Variants in C3orf20 observed in about 807,000 individuals in gnomAD.
C3orf20 encodes family with sequence similarity 149 member C.
C3orf20 carries 76 observed loss-of-function variants against 88.3 expected under a neutral mutation model. The ratio of observed to expected loss-of-function variants is 0.86; its 90% CI spans 0.72 to 1.04. The LOEUF (loss-of-function observed/expected upper bound fraction) is 1.04, where lower values mean the gene tolerates loss of function less well. C3orf20 is among the 50% of genes least tolerant of loss of function. The probability of loss-of-function intolerance (pLI) is 0.00; values close to 1 mark genes in which losing one functional copy is unlikely to be tolerated. For missense variants in C3orf20, 1,056 were observed against 1,123.3 expected, an observed-to-expected ratio of 0.94 and a Z score of 0.86; for synonymous variants, 436 against 437.4, an observed-to-expected ratio of 1.00 and a Z score of 0.04.
rs1176786068 is a variant in C3orf20 at position 14,768,319 on chromosome 3, C to A, written c.2496-3748C>A. 6.6e-6 allele frequency among the ~76,000 whole-genome samples: 1 copy of A among 151,974 alleles called. No individual in the cohort carries two copies. The highest frequency in any genetic ancestry group is 2.4e-5 in the African/African-American group (1 of 41,312). ...GGCCCCGTGCTCAGCAAGGAGCCAGCCACCGCCAGGCCCTCCCTCTATGAT... is the reference window on the plus strand; with the variant it reads ...GGCCCCGTGCTCAGCAAGGAGCCAGACACCGCCAGGCCCTCCCTCTATGAT... On this transcript the variant is annotated intron_variant, in intron 15 of 16. Coordinates refer to ENST00000253697, the MANE Select transcript of C3orf20 (RefSeq NM_032137.5). This position sits in a 1 kb window ranked among gnomAD's most constrained non-coding sequence, Gnocchi z 4.1.
chr3:14,732,496 G>GT (rs1357721572), intron 12 of C3orf20, among the ~76,000 whole-genome samples: 1 of 152,176 alleles, frequency 6.6e-6, no homozygotes, highest in Non-Finnish European at 1.5e-5. Flanking sequence ...ATTGAAATAG[G>GT]TTTTTTCTTT....
chr3:14,729,117 G>A (rs766290958), intron 12 of C3orf20, among the ~76,000 whole-genome samples: 2 of 152,190 alleles, frequency 1.3e-5, no homozygotes, highest in Non-Finnish European at 2.9e-5. Flanking sequence ...CCACTTCCTT[G>A]TGACAGTGGA....
chr3:14,736,820 G>A (rs1008451470), intron 12 of C3orf20, among the ~76,000 whole-genome samples: 2 of 152,146 alleles, frequency 1.3e-5, no homozygotes, highest in Non-Finnish European at 2.9e-5. Context: ...ACCTGCCTCA[G>A]CCTCCCAAAG....
chr3:14,727,351 C>G (rs1334511159), intron 11 of C3orf20, among the ~76,000 whole-genome samples: 1 of 152,188 alleles, frequency 6.6e-6, no homozygotes, highest in Non-Finnish European at 1.5e-5. Flanking sequence ...TTCCCCACCC[C>G]ACATCTACAT....
intron 12 of C3orf20, 112 bp from the exon 13 acceptor site, chr3:14,757,259 A>C (rs2035400847): frequency 3.3e-6 from 3 of 896,884 alleles, no homozygotes; most frequent in Non-Finnish European, 5.1e-6. Context: ...CAGGGCCCAG[A>C]CTAAAATCTG....
intron 5 of C3orf20, among the ~76,000 whole-genome samples, chr3:14,702,042 C>G (rs2033286182): frequency 6.6e-6 from 1 of 152,132 alleles, no homozygotes; most frequent in Non-Finnish European, 1.5e-5. Context: ...AAACCATTTT[C>G]TGAAACCCCT....
chr3:14,678,562 G>T (rs2124873520), intron 1 of C3orf20, among the ~76,000 whole-genome samples: 1 of 152,350 alleles, frequency 6.6e-6, no homozygotes, highest in Admixed American at 6.5e-5. Context: ...GAGACATGCA[G>T]CAGATTGTTG....
intron 11 of C3orf20, among the ~76,000 whole-genome samples, chr3:14,727,296 G>A (rs11921096): frequency 0.014 from 2,179 of 152,220 alleles, 45 homozygotes; most frequent in African/African-American, 0.048. Flanking sequence ...CCATGAGATT[G>A]TCTTATTTTC....
In C3orf20 at chr3:14,682,665, C is replaced by T. The variant is rs1276925428; in HGVS notation, c.-49C>T. On this transcript the variant is annotated 5_prime_UTR_variant, in exon 3 of 17. Coordinates refer to ENST00000253697, the MANE Select transcript of C3orf20 (RefSeq NM_032137.5). ...CCTTCACCGTAGGGAAGAACTTTTG[C>T]TCTCAGTCACCTCTCAGAGAGCTCT... 1 of 1,548,334 alleles carries T rather than the reference C, an allele frequency of 6.5e-7. No homozygotes were observed. The highest frequency in any genetic ancestry group is 8.7e-7 in the Non-Finnish European group (1 of 1,149,488).
rs1168189275 is a variant in C3orf20 at position 14,768,668 on chromosome 3, G to A, written c.2496-3399G>A. Among the ~76,000 whole-genome samples the A allele has an allele frequency of 1.3e-5, 2 of 151,960 alleles. No homozygotes were observed. The highest frequency in any genetic ancestry group is 2.1e-4 in the South Asian group (1 of 4,792). Reference sequence around the variant, plus strand: ...CCTCTTTTCTGGACTGGGGCCTGAGGGGGCGCTGAGTAGAGAGAAATTACC... The same window carrying A: ...CCTCTTTTCTGGACTGGGGCCTGAGAGGGCGCTGAGTAGAGAGAAATTACC... On this transcript the variant is annotated intron_variant, in intron 15 of 16. Transcript: ENST00000253697. This position sits in a 1 kb window ranked among gnomAD's most constrained non-coding sequence, Gnocchi z 4.1.
Position 14,701,296 on chromosome 3 carries a change from T to G in C3orf20, c.746-1834T>G, listed in dbSNP as rs1864902. On this transcript the variant is annotated intron_variant, in intron 5 of 16. Coordinates refer to ENST00000253697, the MANE Select transcript of C3orf20 (RefSeq NM_032137.5). The surrounding 1 kb of genome is among the most constrained non-coding windows in gnomAD (Gnocchi z 4.6). ...TTCACCAGCAGCAAGGAGGGCTCCA[T>G]TCTGAGGCCCTCAGGGTTTCAGTTA... Among the ~76,000 whole-genome samples, 1,932 of 152,220 alleles carry G rather than the reference T, an allele frequency of 0.013. 14 individuals carry two copies. The highest frequency in any genetic ancestry group is 0.019 in the Non-Finnish European group (1,321 of 67,984).
Position 14,772,169 on chromosome 3 carries a change from T to TGTGGAGAAGGA in C3orf20, c.2601_2611dup (p.Leu871TrpfsTer28), listed in dbSNP as rs763385253. Reference sequence around the variant, plus strand: ...GCTCCTCATTGGCCCTGGAAGACTATGTGGAGAAGGAGTTATCTCTGGAGG... The same window carrying TGTGGAGAAGGA: ...GCTCCTCATTGGCCCTGGAAGACTATGTGGAGAAGGAGTGGAGAAGGAGTTATCTCTGGAGG... On this transcript the variant is annotated frameshift_variant, in exon 16 of 17. Coordinates refer to ENST00000253697, the MANE Select transcript of C3orf20 (RefSeq NM_032137.5). LOFTEE classifies it low-confidence loss of function (END_TRUNC). This position sits in a 1 kb window ranked among gnomAD's most constrained non-coding sequence, Gnocchi z 4.2. The TGTGGAGAAGGA allele has an allele frequency of 1.9e-6, 3 of 1,614,088 alleles. No individual in the cohort carries two copies. The highest frequency in any genetic ancestry group is 1.7e-5 in the Admixed American group (1 of 60,012).
intron 15 of C3orf20, chr3:14,767,290 C>T (rs2125044962): frequency 1.3e-5 from 2 of 152,418 alleles, no homozygotes; most frequent in East Asian, 3.9e-4. Flanking sequence ...GGGCTCCAAC[C>T]CCAGCTGCTA....
At chr3:14,699,783 C>G (rs1311728483) in intron 5 of C3orf20, among the ~76,000 whole-genome samples, 1 of 152,190 alleles carries the variant, frequency 6.6e-6, no homozygotes, top group East Asian at 1.9e-4. Flanking sequence ...AGGTTGCATG[C>G]CCTCTAAATC....
At chr3:14,683,516 C>G (rs2032224085) in intron 3 of C3orf20, among the ~76,000 whole-genome samples, 1 of 152,092 alleles carries the variant, frequency 6.6e-6, no homozygotes, top group Admixed American at 6.6e-5. Flanking sequence ...AGTTTTCAAA[C>G]CAGCAGGGCT....
chr3:14,695,749 C>G (rs1322019110), intron 5 of C3orf20, among the ~76,000 whole-genome samples: 1 of 152,002 alleles, frequency 6.6e-6, no homozygotes, highest in East Asian at 1.9e-4. Flanking sequence ...AGTGACCTTC[C>G]TTGTCTCTTT....
At chr3:14,755,895 G>C (rs964113608) in intron 12 of C3orf20, among the ~76,000 whole-genome samples, 13 of 151,832 alleles carry the variant, frequency 8.6e-5, no homozygotes, top group Non-Finnish European at 1.6e-4. Context: ...CAGGCGTGGT[G>C]GTGGGCGCCT....
At chr3:14,723,552 T>C (rs2034239035) in intron 10 of C3orf20, among the ~76,000 whole-genome samples, 1 of 152,200 alleles carries the variant, frequency 6.6e-6, no homozygotes, top group South Asian at 2.1e-4. Flanking sequence ...ATCATCTAGC[T>C]TCACCCTTGT....
chr3:14,723,283 A>T (rs1314637388), intron 10 of C3orf20, among the ~76,000 whole-genome samples: 4 of 152,272 alleles, frequency 2.6e-5, no homozygotes, highest in Admixed American at 2.6e-4. Flanking sequence ...CAATAAGGAC[A>T]TAGGGTGTGG....
Sources: gnomAD v4.1 joint callset for allele counts (sites outside exome capture counted in the v4.1 genomes callset) on GRCh38, gnomAD v4.1.1 for gene constraint, Gnocchi (gnomAD v3.1) non-coding constraint, MANE v1.5 for transcripts, NCBI Gene and HGNC (gene_info 2026-07-23, HGNC 2026-07-21) for gene names.